The following SGCZ variants were observed in gnomAD, a reference collection of about 807,000 sequenced individuals.
The protein encoded by SGCZ is zeta-sarcoglycan.
In SGCZ, 40 loss-of-function variants were observed where a neutral mutation model predicts 41.3. That is an observed-to-expected ratio of 0.97 (90% CI 0.75 to 1.26). The LOEUF is 1.26. Among genes scored for constraint, SGCZ ranks in the 50% most tolerant of loss-of-function variants. The pLI is 0.00. For synonymous variants in SGCZ, 206 were observed against 137.5 expected, an observed-to-expected ratio of 1.50 and a Z score of -3.49; for missense variants, 552 against 369.8, an observed-to-expected ratio of 1.49 and a Z score of -4.04.
At chr8:14,401,632 G>A (rs928548674) in intron 2 of SGCZ, among the ~76,000 whole-genome samples, 2 of 151,308 alleles carry the variant, frequency 1.3e-5, no homozygotes, top group African/African-American at 2.4e-5. Flanking sequence ...ATTGTTTATG[G>A]CTGCATAGTA....
chr8:15,146,603 G>A (rs981259715), intron 1 of SGCZ, among the ~76,000 whole-genome samples: 1 of 152,174 alleles, frequency 6.6e-6, no homozygotes, highest in Non-Finnish European at 1.5e-5. Context: ...TAGCTTTAGT[G>A]TTATAATTTT....
chr8:15,211,411 C>A (rs77938336), intron 1 of SGCZ, among the ~76,000 whole-genome samples: 1 of 152,070 alleles, frequency 6.6e-6, no homozygotes, highest in Non-Finnish European at 1.5e-5. Context: ...ATTGTCCATA[C>A]AACTATTTCA....
chr8:14,255,976 T>G (rs35789646), intron 3 of SGCZ, among the ~76,000 whole-genome samples: 2,352 of 152,240 alleles, frequency 0.015, 27 homozygotes, highest in Non-Finnish European at 0.025. Context: ...TCATTATCTA[T>G]TCATTAAATA....
At chr8:14,507,447 A>C (rs565473490) in intron 2 of SGCZ, among the ~76,000 whole-genome samples, 3 of 152,328 alleles carry the variant, frequency 2.0e-5, no homozygotes, top group Admixed American at 1.3e-4. Context: ...TCTACACAAT[A>C]TGTCACATGC....
intron 2 of SGCZ, among the ~76,000 whole-genome samples, chr8:14,409,185 C>A (rs547277862): frequency 6.6e-6 from 1 of 151,888 alleles, no homozygotes; most frequent in African/African-American, 2.4e-5. Context: ...ATAACCAACA[C>A]GTTATTTATT....
At chr8:14,408,391 T>A (rs1799268066) in intron 2 of SGCZ, among the ~76,000 whole-genome samples, 1 of 152,086 alleles carries the variant, frequency 6.6e-6, no homozygotes, top group South Asian at 2.1e-4. Flanking sequence ...TTTTCTACAC[T>A]TATTTCCTCC....
Position 14,745,317 on chromosome 8 carries a change from G to C in SGCZ, c.40-190391C>G, listed in dbSNP as rs528031314. ...CCAAATGCATGGCAGTCACTACTAAGATTTCAGTGGGTCAACCTAAGTCTT... is the reference window on the plus strand; with the variant it reads ...CCAAATGCATGGCAGTCACTACTAACATTTCAGTGGGTCAACCTAAGTCTT... On this transcript the variant is annotated intron_variant, in intron 1 of 7. Coordinates refer to ENST00000382080, the MANE Select transcript of SGCZ (RefSeq NM_139167.4). 6.6e-5 allele frequency among the ~76,000 whole-genome samples: 10 copies of C among 152,260 alleles called. No individual in the cohort carries two copies. In the East Asian group the frequency reaches 1.9e-3, roughly 29 times the overall value.
At chr8:14,835,340 A>G (rs1802661519) in intron 1 of SGCZ, among the ~76,000 whole-genome samples, 1 of 152,246 alleles carries the variant, frequency 6.6e-6, no homozygotes, top group African/African-American at 2.4e-5. Flanking sequence ...ATACATTAAA[A>G]GGTTAAAAAC....
At chr8:15,045,566 C>G (rs986507219) in intron 1 of SGCZ, among the ~76,000 whole-genome samples, 1 of 151,996 alleles carries the variant, frequency 6.6e-6, no homozygotes, top group African/African-American at 2.4e-5. Context: ...TAAAGTAGTT[C>G]CAAGATTTCA....
At chr8:15,198,750 C>G (rs1478029183) in intron 1 of SGCZ, among the ~76,000 whole-genome samples, 1 of 152,196 alleles carries the variant, frequency 6.6e-6, no homozygotes, top group Non-Finnish European at 1.5e-5. Context: ...TAGCTAAATA[C>G]ACAATATTGA....
intron 1 of SGCZ, among the ~76,000 whole-genome samples, chr8:14,807,569 G>T (rs1014815061): frequency 3.6e-4 from 54 of 151,376 alleles, no homozygotes; most frequent in African/African-American, 1.3e-3. Context: ...CACTGCTCAA[G>T]GAAATAAAAG....
At chr8:14,907,889 C>A (rs1799166687) in intron 1 of SGCZ, among the ~76,000 whole-genome samples, 1 of 152,034 alleles carries the variant, frequency 6.6e-6, no homozygotes, top group Admixed American at 6.6e-5. Context: ...CAACCAAGAA[C>A]AAATAACCAT....
At chr8:14,723,186 T>G (rs1479094617) in intron 1 of SGCZ, among the ~76,000 whole-genome samples, 1 of 152,206 alleles carries the variant, frequency 6.6e-6, no homozygotes, top group Non-Finnish European at 1.5e-5. Flanking sequence ...GGATTTTGAC[T>G]AAGTCAGCAT....
intron 2 of SGCZ, among the ~76,000 whole-genome samples, chr8:14,495,629 G>A (rs1024263602): frequency 6.6e-6 from 1 of 152,016 alleles, no homozygotes; most frequent in African/African-American, 2.4e-5. Context: ...ACAAGCACAA[G>A]ATACAAAATA....
intron 3 of SGCZ, among the ~76,000 whole-genome samples, chr8:14,283,358 C>T (rs1800515437): frequency 6.6e-6 from 1 of 152,148 alleles, no homozygotes; most frequent in Non-Finnish European, 1.5e-5. Context: ...ACTTTCTCAG[C>T]ATATTACTAC....
intron 3 of SGCZ, among the ~76,000 whole-genome samples, chr8:14,320,908 G>A (rs909897557): frequency 6.6e-6 from 1 of 152,120 alleles, no homozygotes; most frequent in East Asian, 1.9e-4. Flanking sequence ...AAATTTTGCT[G>A]GTTAGAAGTA....
chr8:14,403,501 G>C (rs1329658854), intron 2 of SGCZ, among the ~76,000 whole-genome samples: 1 of 151,906 alleles, frequency 6.6e-6, no homozygotes, highest in Non-Finnish European at 1.5e-5. Context: ...TAGCATGAAG[G>C]TTGTTGAATT....
At chr8:14,253,006 G>C (rs1400830603) in intron 3 of SGCZ, among the ~76,000 whole-genome samples, 1 of 152,070 alleles carries the variant, frequency 6.6e-6, no homozygotes, top group Non-Finnish European at 1.5e-5. Flanking sequence ...GAATTTACTG[G>C]ATGCGACGTC....
chr8:14,323,809 G>C (rs1264517112), intron 3 of SGCZ, among the ~76,000 whole-genome samples: 1 of 151,938 alleles, frequency 6.6e-6, no homozygotes, highest in Admixed American at 6.6e-5. Context: ...ATGCCCCCTT[G>C]GGATTTACTG....
Sources: allele counts gnomAD v4.1 joint callset (sites outside exome capture counted in the v4.1 genomes callset), GRCh38; gene constraint gnomAD v4.1.1; transcripts MANE v1.5; gene names NCBI Gene and HGNC (gene_info 2026-07-23, HGNC 2026-07-21).